Variants in BRWD3 observed in about 807,000 individuals in gnomAD.
BRWD3 encodes the protein bromodomain and WD repeat domain containing 3.
A neutral mutation model predicts 149.7 loss-of-function variants in BRWD3; 10 were observed. The ratio of observed to expected loss-of-function variants is 0.07; its 90% CI spans 0.04 to 0.11. The LOEUF (loss-of-function observed/expected upper bound fraction) is 0.11, where lower values mean the gene tolerates loss of function less well. Ranked by LOEUF, BRWD3 falls within the 10% of genes least tolerant of loss-of-function variation. The pLI, the probability that BRWD3 is intolerant of heterozygous loss-of-function variation, is 1.00. For synonymous variants in BRWD3, 504 were observed against 456.7 expected, an observed-to-expected ratio of 1.10 and a Z score of -1.32; for missense variants, 940 against 1,373.2, an observed-to-expected ratio of 0.68 and a Z score of 4.99.
intron 4 of BRWD3, among the ~76,000 whole-genome samples, chrX:80,795,906 G>A (rs908036990): frequency 2.7e-5 from 3 of 110,103 alleles, no homozygotes; most frequent in South Asian, 3.9e-4. Flanking sequence ...ACTCCAGCCC[G>A]TGGGTGACCC....
At chrX:80,781,083 A>G (rs912802349) in intron 6 of BRWD3, among the ~76,000 whole-genome samples, 38 of 112,264 alleles carry the variant, frequency 3.4e-4, no homozygotes, top group Middle Eastern at 4.2e-3. Context: ...TGAGCTGTAT[A>G]CAGTGTAAAT....
chrX:80,729,903 C>A lies in BRWD3; in HGVS notation c.1232+13G>T. Reference sequence around the variant, plus strand: ...TCATGAGAACCACATAAACATCTAACATATATTCTTACCCAGTCATTTTAG... The same window carrying A: ...TCATGAGAACCACATAAACATCTAAAATATATTCTTACCCAGTCATTTTAG... On this transcript the variant is annotated intron_variant, in intron 13 of 40. Coordinates refer to ENST00000373275, the MANE Select transcript of BRWD3 (RefSeq NM_153252.5). 4.7e-6 allele frequency: 5 copies of A among 1,060,475 alleles called. No homozygotes were observed. The highest frequency in any genetic ancestry group is 6.6e-6 in the Non-Finnish European group (5 of 758,099). The allele number at this position is 1,060,475 out of a possible 1,213,427, so 87.4% of individuals were successfully genotyped here. A position where few individuals can be genotyped will look rare whatever the true frequency, so the allele number is the denominator to read the frequency against.
intron 6 of BRWD3, among the ~76,000 whole-genome samples, chrX:80,775,307 C>T (rs1274107636): frequency 8.9e-6 from 1 of 111,889 alleles, no homozygotes; most frequent in African/African-American, 3.2e-5. Flanking sequence ...CCAGTCTCAA[C>T]TCCCATCACA....
chrX:80,714,158 A>T lies in BRWD3; in HGVS notation c.2325+1999T>A, dbSNP rs138301385. On this transcript the variant is annotated intron_variant, in intron 20 of 40. Transcript: ENST00000373275. ...AAACATTTACAACCTATTTTCTCTG[A>T]AGTTTGCTACCTGGAGGCTTCATCT... Among the ~76,000 whole-genome samples, 331 of 108,928 alleles carry T rather than the reference A, an allele frequency of 3.0e-3. 2 individuals carry two copies. The highest frequency in any genetic ancestry group is 0.01 in the African/African-American group (314 of 29,979). 94.6% of individuals were successfully genotyped at this position (108,928 alleles called of 115,157 possible).
rs1438786783 is a variant in BRWD3, at chrX:80,754,869, G to A, written c.431-9140C>T. On this transcript the variant is annotated intron_variant, in intron 6 of 40. Transcript: ENST00000373275. The stretch of plus-strand genomic sequence containing the variant: ...TAAAATAACAAAAAATTAGCCAGAT[G>A]TGGTGGTATGCACCTGTAATCCCAG... Among the ~76,000 whole-genome samples, 3 of 111,397 alleles carry A rather than the reference G, an allele frequency of 2.7e-5. No homozygotes were observed. The East Asian group carries it at 8.4e-4, about 31-fold the overall frequency.
intron 15 of BRWD3, among the ~76,000 whole-genome samples, chrX:80,724,257 A>G (rs745695173): frequency 3.5e-4 from 39 of 112,188 alleles, no homozygotes; most frequent in African/African-American, 1.1e-3. Context: ...AAATTAAAGC[A>G]CACAATCAAT....
rs774008222 is a variant in BRWD3, at chrX:80,681,452, G to C, written c.4543C>G (p.Pro1515Ala). 8.3e-7 allele frequency: 1 copy of C among 1,208,961 alleles called. No individual in the cohort carries two copies. The highest frequency in any genetic ancestry group is 1.8e-5 in the South Asian group (1 of 56,883). Residue 1515 changes from proline (P) to alanine (A), a missense_variant, in exon 40 of 41, where the codon CCA becomes GCA. Physicochemically the swap from Pro to Ala is conservative, Grantham distance 27 (BLOSUM62 -1). Coordinates refer to ENST00000373275, the MANE Select transcript of BRWD3 (RefSeq NM_153252.5). ...GLSLYLLDDE[P>A]DGPFSSSSFG... The stretch of plus-strand genomic sequence containing the variant: ...CTCGATGAAGAAAATGGCCCATCTG[G>C]CTCATCATCAAGTAGATATAGTGAA...
At chrX:80,754,257 T>G (rs893333126) in intron 6 of BRWD3, among the ~76,000 whole-genome samples, 13 of 111,948 alleles carry the variant, frequency 1.2e-4, no homozygotes, top group Non-Finnish European at 2.1e-4. Flanking sequence ...TCCTAGATTT[T>G]GGGGGTTTTT....
rs372068484 is a variant in BRWD3, at chrX:80,671,049, C to T, written c.*5560G>A. 1 of 111,315 alleles carries T rather than the reference C, an allele frequency of 9.0e-6. No individual in the cohort carries two copies. Among genetic ancestry groups the T allele is most frequent in the African/African-American group, 3.3e-5 (1 of 30,690 alleles). The allele number at this position is 111,315 out of a possible 1,213,427, so 9.2% of individuals were successfully genotyped here. A position where few individuals can be genotyped will look rare whatever the true frequency, so the allele number is the denominator to read the frequency against. ...GCATTCAGATCATCTCACCTCACTT[C>T]TCTCTCTCCTACACTTACACTGAAT... is the stretch of plus-strand genomic sequence containing the variant. On this transcript the variant is annotated 3_prime_UTR_variant, in exon 41 of 41. Transcript: ENST00000373275.
At chrX:80,769,940 TAC>T (rs1208051902) in intron 6 of BRWD3, among the ~76,000 whole-genome samples, 3 of 111,074 alleles carry the variant, frequency 2.7e-5, no homozygotes, top group African/African-American at 9.8e-5. Context: ...CCCACAGAAA[TAC>T]AAACTACTAT....
intron 39 of BRWD3, among the ~76,000 whole-genome samples, chrX:80,681,716 AAT>A (rs1306602337): frequency 1.8e-5 from 2 of 111,673 alleles, no homozygotes; most frequent in African/African-American, 6.5e-5. Flanking sequence ...TATGTTGGTA[AAT>A]ATATTGTAGA....
chrX:80,696,031 A>G, intron 26 of BRWD3, 41 bp from the exon 27 acceptor site: 1 of 1,047,058 alleles, frequency 9.6e-7, no homozygotes. Flanking sequence ...ATATAGAGAT[A>G]TAACAATATA....
intron 25 of BRWD3, among the ~76,000 whole-genome samples, 172 bp downstream of exon 25, chrX:80,699,785 G>C (rs1257779956): frequency 9.0e-6 from 1 of 111,725 alleles, no homozygotes; most frequent in African/African-American, 3.3e-5. Context: ...TTTGAGAAAC[G>C]TATAAAATGT....
chrX:80,742,317 T>TGTA (rs1310227647), intron 8 of BRWD3, among the ~76,000 whole-genome samples: 2 of 109,113 alleles, frequency 1.8e-5, no homozygotes, highest in African/African-American at 3.4e-5. Context: ...ACTGTAGCCT[T>TGTA]GTAGTATAGT....
rs1198905555 is a variant in BRWD3, at chrX:80,730,098, TA to T, written c.1128-79del. The T allele has an allele frequency of 2.3e-5, 15 of 654,535 alleles. No individual in the cohort carries two copies. The Admixed American group carries it at 2.6e-4, about 11-fold the overall frequency. 53.9% of individuals were successfully genotyped at this position (654,535 alleles called of 1,213,427 possible). On this transcript the variant is annotated intron_variant, in intron 12 of 40. Coordinates refer to ENST00000373275, the MANE Select transcript of BRWD3 (RefSeq NM_153252.5). Reference sequence around the variant, plus strand: ...TTTTTTGATAATATAAGTAACACATTAGCCCTCACATACTACTGAGGGGAAT... The same window carrying T: ...TTTTTTGATAATATAAGTAACACATTGCCCTCACATACTACTGAGGGGAAT...
At chrX:80,720,393 T>C (rs2147750350) in intron 17 of BRWD3, among the ~76,000 whole-genome samples, 1 of 111,402 alleles carries the variant, frequency 9.0e-6, no homozygotes, top group South Asian at 3.8e-4. Flanking sequence ...GGCTAATGTA[T>C]GTTTGTGTCT....
intron 33 of BRWD3, 30 bp from the exon 34 acceptor site, chrX:80,688,155 C>T (rs1485276850): frequency 4.7e-6 from 5 of 1,071,232 alleles, no homozygotes; most frequent in African/African-American, 1.8e-5. Context: ...TGGGAAAAGA[C>T]GTTAAGTTAC....
intron 24 of BRWD3, among the ~76,000 whole-genome samples, chrX:80,703,201 T>C (rs2072814852): frequency 9.0e-6 from 1 of 111,052 alleles, no homozygotes; most frequent in African/African-American, 3.3e-5. Flanking sequence ...CAATTCAGAT[T>C]AAAATAAAGC....
In BRWD3 at chrX:80,669,738, C is replaced by A. The variant is rs567910666; in HGVS notation, c.*6871G>T. Among the ~76,000 whole-genome samples the A allele has an allele frequency of 1.8e-5, 2 of 110,971 alleles. No individual in the cohort carries two copies. Among genetic ancestry groups the A allele is most frequent in the South Asian group, 7.5e-4 (2 of 2,668 alleles). On this transcript the variant is annotated 3_prime_UTR_variant, in exon 41 of 41. Transcript: ENST00000373275. ...GTTATACAAATTCTAACTAGAATTG[C>A]AACATGACAAAAATCAACCACAAAA...
Sources: gnomAD v4.1 joint callset for allele counts (sites outside exome capture counted in the v4.1 genomes callset) on GRCh38, gnomAD v4.1.1 for gene constraint, MANE v1.5 for transcripts, NCBI Gene and HGNC (gene_info 2026-07-23, HGNC 2026-07-21) for gene names.